WDR70: variants seen among roughly 807,000 people sequenced by gnomAD.
WDR70 encodes the protein WD repeat-containing protein 70.
WDR70 carries 53 observed loss-of-function variants against 88.6 expected under a neutral mutation model. The observed-to-expected ratio is 0.60, with a 90% CI of 0.48 to 0.75. The LOEUF (loss-of-function observed/expected upper bound fraction) is 0.75. WDR70 is among the 30% of genes least tolerant of loss of function. The pLI is 0.00. For missense variants in WDR70, 610 were observed against 823.2 expected, an observed-to-expected ratio of 0.74 and a Z score of 3.17; for synonymous variants, 280 against 270.0, an observed-to-expected ratio of 1.04 and a Z score of -0.36.
intron 7 of WDR70, among the ~76,000 whole-genome samples, chr5:37,457,102 G>A (rs766546403): frequency 4.5e-4 from 69 of 152,084 alleles, no homozygotes; most frequent in Non-Finnish European, 7.1e-4. Flanking sequence ...CTTTGATAAT[G>A]TCTTTTTTTT....
At chr5:37,420,029 G>A (rs1189159527) in intron 5 of WDR70, among the ~76,000 whole-genome samples, 3 of 152,054 alleles carry the variant, frequency 2.0e-5, no homozygotes, top group Non-Finnish European at 2.9e-5. Context: ...GTGAGCCACC[G>A]TGCCTGGCCC....
intron 9 of WDR70, among the ~76,000 whole-genome samples, chr5:37,552,850 T>TCAG: frequency 6.6e-6 from 1 of 152,336 alleles, no homozygotes; most frequent in Non-Finnish European, 1.5e-5. Context: ...TCATTGACAC[T>TCAG]CATAATGCTA....
intron 17 of WDR70, 99 bp from the exon 18 acceptor site, chr5:37,752,386 AT>A (rs757750164): frequency 1.1e-5 from 8 of 725,788 alleles, no homozygotes; most frequent in Admixed American, 2.9e-5. Context: ...GTTGTAATTT[AT>A]TCCCCACATT....
At chr5:37,745,739 T>C (rs574322542) in intron 17 of WDR70, among the ~76,000 whole-genome samples, 1 of 152,284 alleles carries the variant, frequency 6.6e-6, no homozygotes, top group East Asian at 1.9e-4. Flanking sequence ...CTATTCTGAA[T>C]ATATATGTAT....
At chr5:37,523,341 G>A (rs1741155961) in intron 9 of WDR70, among the ~76,000 whole-genome samples, 1 of 152,190 alleles carries the variant, frequency 6.6e-6, no homozygotes, top group African/African-American at 2.4e-5. Flanking sequence ...CTGTTCTGCA[G>A]CCTCCGCTGC....
intron 8 of WDR70, among the ~76,000 whole-genome samples, chr5:37,507,080 A>G (rs927665556): frequency 3.3e-5 from 5 of 152,232 alleles, no homozygotes; most frequent in African/African-American, 4.8e-5. Context: ...CTTACATATT[A>G]ACAAACTTAA....
chr5:37,467,104 G>A (rs1477536807), intron 7 of WDR70, among the ~76,000 whole-genome samples: 1 of 151,596 alleles, frequency 6.6e-6, no homozygotes, highest in Non-Finnish European at 1.5e-5. Flanking sequence ...GTGCACGCCT[G>A]TAGTCTGAGC....
chr5:37,584,034 A>G (rs1743294569), intron 9 of WDR70, among the ~76,000 whole-genome samples: 1 of 152,222 alleles, frequency 6.6e-6, no homozygotes, highest in African/African-American at 2.4e-5. Context: ...ATGTGCCATG[A>G]CAGCACATTA....
chr5:37,591,064 G>A (rs1743517332), intron 9 of WDR70, among the ~76,000 whole-genome samples: 1 of 152,158 alleles, frequency 6.6e-6, no homozygotes, highest in African/African-American at 2.4e-5. Context: ...GACCAGGTGT[G>A]ATGGCTCACC....
intron 9 of WDR70, among the ~76,000 whole-genome samples, chr5:37,600,756 G>T (rs552080266): frequency 6.6e-6 from 1 of 152,204 alleles, no homozygotes; most frequent in African/African-American, 2.4e-5. Context: ...AATTAAAACT[G>T]TTGATGAGGA....
intron 9 of WDR70, among the ~76,000 whole-genome samples, chr5:37,593,362 A>G (rs1347356161): frequency 6.7e-6 from 1 of 149,944 alleles, no homozygotes; most frequent in Non-Finnish European, 1.5e-5. Context: ...CTGTGTTCTC[A>G]TTGTTCAATT....
chr5:37,402,850 A>T (rs981114229), intron 5 of WDR70, among the ~76,000 whole-genome samples: 1 of 150,700 alleles, frequency 6.6e-6, no homozygotes, highest in Non-Finnish European at 1.5e-5. Context: ...TCTTTATGAG[A>T]TCCACTTTTG....
intron 10 of WDR70, among the ~76,000 whole-genome samples, chr5:37,692,882 G>T (rs1402010172): frequency 7.2e-6 from 1 of 138,472 alleles, no homozygotes; most frequent in African/African-American, 2.5e-5. Context: ...TCAGGCAAGA[G>T]AAAGAAATAA....
chr5:37,579,186 G>A (rs1385374964), intron 9 of WDR70, among the ~76,000 whole-genome samples: 1 of 152,180 alleles, frequency 6.6e-6, no homozygotes, highest in Non-Finnish European at 1.5e-5. Flanking sequence ...CACTGGGTTT[G>A]TAAATACTTT....
intron 7 of WDR70, among the ~76,000 whole-genome samples, chr5:37,449,248 A>G (rs1738589430): frequency 6.6e-6 from 1 of 152,120 alleles, no homozygotes. Flanking sequence ...TCGCTTTGAC[A>G]TGCCTCCTTT....
intron 9 of WDR70, among the ~76,000 whole-genome samples, chr5:37,568,429 T>C (rs997465630): frequency 2.6e-5 from 4 of 152,226 alleles, no homozygotes; most frequent in Non-Finnish European, 5.9e-5. Flanking sequence ...ATTGTCTTAT[T>C]AACTTTCTCA....
At chr5:37,404,683 C>T (rs1342681344) in intron 5 of WDR70, among the ~76,000 whole-genome samples, 4 of 152,028 alleles carry the variant, frequency 2.6e-5, no homozygotes, top group Non-Finnish European at 5.9e-5. Flanking sequence ...GAAACTGAGC[C>T]TGTAGCTCTG....
intron 9 of WDR70, among the ~76,000 whole-genome samples, chr5:37,565,322 C>T (rs536414276): frequency 4.6e-5 from 7 of 152,196 alleles, no homozygotes; most frequent in East Asian, 1.9e-4. Context: ...TCTAAATAAA[C>T]GTTACAAAGC....
At chr5:37,484,703 T>C (rs201455311) in intron 8 of WDR70, among the ~76,000 whole-genome samples, 1 of 152,248 alleles carries the variant, frequency 6.6e-6, no homozygotes, top group African/African-American at 2.4e-5. Flanking sequence ...ACTTAAGGTA[T>C]GAAAAACATT....
Sources: gnomAD v4.1 joint callset for allele counts (sites outside exome capture counted in the v4.1 genomes callset) on GRCh38, gnomAD v4.1.1 for gene constraint, MANE v1.5 for transcripts, NCBI Gene and HGNC (gene_info 2026-07-23, HGNC 2026-07-21) for gene names.